FAM117B: variants seen among roughly 807,000 people sequenced by gnomAD.
FAM117B encodes protein FAM117B.
A neutral mutation model predicts 52.8 loss-of-function variants in FAM117B; 22 were observed. The ratio of observed to expected loss-of-function variants is 0.42; its 90% CI spans 0.30 to 0.59. The LOEUF (loss-of-function observed/expected upper bound fraction) is 0.59, where lower values mean the gene tolerates loss of function less well. Among genes scored for constraint, FAM117B ranks in the 20% least tolerant of loss-of-function variants. The pLI is 0.22. For synonymous variants in FAM117B, 309 were observed against 324.1 expected, an observed-to-expected ratio of 0.95 and a Z score of 0.50; for missense variants, 678 against 802.6, an observed-to-expected ratio of 0.84 and a Z score of 1.88.
chr2:202,691,932 A>G (rs545177622), intron 1 of FAM117B, among the ~76,000 whole-genome samples: 22 of 152,338 alleles, frequency 1.4e-4, no homozygotes, highest in African/African-American at 5.3e-4. Flanking sequence ...AGCATTTATA[A>G]CAATTACGTA....
intron 4 of FAM117B, among the ~76,000 whole-genome samples, chr2:202,728,065 G>A (rs1438053110): frequency 1.3e-5 from 2 of 152,106 alleles, no homozygotes; most frequent in African/African-American, 4.8e-5. Context: ...CTATAGCCTC[G>A]ACTTCCTGGG....
At chr2:202,648,842 A>G (rs1689911362) in intron 1 of FAM117B, among the ~76,000 whole-genome samples, 1 of 151,466 alleles carries the variant, frequency 6.6e-6, no homozygotes, top group African/African-American at 2.4e-5. Flanking sequence ...GCTCACTGCA[A>G]CCTCTGACTC....
At position 202,748,867 on chromosome 2, in the gene FAM117B, C is replaced by T. The variant is rs550555919; in HGVS notation, c.961-6671C>T. Among the ~76,000 whole-genome samples the T allele has an allele frequency of 5.9e-5, 9 of 152,052 alleles. No homozygotes were observed. The East Asian group carries it at 1.4e-3, about 23-fold the overall frequency. On this transcript the variant is annotated intron_variant, in intron 4 of 7. Transcript: ENST00000392238. ...CTCACATGTTTATCGTAGCCACTCTCGGTAGCCATTGTATGGAATCAACCT... is the reference window on the plus strand; with the variant it reads ...CTCACATGTTTATCGTAGCCACTCTTGGTAGCCATTGTATGGAATCAACCT...
intron 4 of FAM117B, among the ~76,000 whole-genome samples, chr2:202,741,825 G>A (rs144053532): frequency 1.1e-3 from 175 of 152,230 alleles, no homozygotes; most frequent in Middle Eastern, 3.4e-3. Flanking sequence ...GAGCCACCGC[G>A]CCTGGCCAGT....
intron 2 of FAM117B, among the ~76,000 whole-genome samples, chr2:202,719,269 T>C (rs1691112085): frequency 6.6e-6 from 1 of 152,240 alleles, no homozygotes; most frequent in South Asian, 2.1e-4. Context: ...TTTATGCTTA[T>C]TTTTATTTGT....
chr2:202,660,608 C>G (rs1690114568), intron 1 of FAM117B, among the ~76,000 whole-genome samples: 1 of 152,162 alleles, frequency 6.6e-6, no homozygotes, highest in Non-Finnish European at 1.5e-5. Context: ...TTTTTCAGCT[C>G]CCTGTTCTCC....
chr2:202,735,549 C>T (rs1375371256), intron 4 of FAM117B, among the ~76,000 whole-genome samples: 1 of 152,054 alleles, frequency 6.6e-6, no homozygotes, highest in Non-Finnish European at 1.5e-5. Context: ...TAAATACTGC[C>T]AGGTTTCTTA....
At chr2:202,755,434 A>G (rs1691786507) in intron 4 of FAM117B, 104 bp from the exon 5 acceptor site, 1 of 1,420,728 alleles carries the variant, frequency 7.0e-7, no homozygotes, top group African/African-American at 1.4e-5. Flanking sequence ...AGGCCTGTAA[A>G]CTTTGATTTA....
At chr2:202,646,385 C>G (rs1305914049) in intron 1 of FAM117B, among the ~76,000 whole-genome samples, 1 of 152,220 alleles carries the variant, frequency 6.6e-6, no homozygotes, top group African/African-American at 2.4e-5. Context: ...GGCTGCTTGT[C>G]TGGAGCATGT....
intron 1 of FAM117B, among the ~76,000 whole-genome samples, chr2:202,658,256 A>G (rs907940050): frequency 6.6e-6 from 1 of 152,052 alleles, no homozygotes; most frequent in Non-Finnish European, 1.5e-5. Context: ...TTGTTTTAGA[A>G]CAGGTCTGCT....
rs528315149 is a variant in FAM117B at position 202,671,751 on chromosome 2, C to T, written c.602-24130C>T. Among the ~76,000 whole-genome samples the T allele has an allele frequency of 1.7e-3, 252 of 152,264 alleles. 1 individual carries two copies. Among genetic ancestry groups the T allele is most frequent in the African/African-American group, 5.7e-3 (236 of 41,552 alleles). On this transcript the variant is annotated intron_variant, in intron 1 of 7. Coordinates refer to ENST00000392238, the MANE Select transcript of FAM117B (RefSeq NM_173511.4). ...GTGTAAGTACCTACCCTAACCATGCCGCTCCCACGCTGGTTCACTTTATTT... is the reference window on the plus strand; with the variant it reads ...GTGTAAGTACCTACCCTAACCATGCTGCTCCCACGCTGGTTCACTTTATTT...
intron 1 of FAM117B, among the ~76,000 whole-genome samples, chr2:202,664,777 T>C (rs1389553081): frequency 6.6e-6 from 1 of 152,154 alleles, no homozygotes; most frequent in Non-Finnish European, 1.5e-5. Flanking sequence ...TTGGCCTCGC[T>C]TATAAGAAGT....
At chr2:202,734,435 G>C (rs1018677136) in intron 4 of FAM117B, among the ~76,000 whole-genome samples, 7 of 152,094 alleles carry the variant, frequency 4.6e-5, no homozygotes, top group Non-Finnish European at 7.4e-5. Flanking sequence ...TTATATTCTA[G>C]TAAAGCTTTT....
intron 1 of FAM117B, among the ~76,000 whole-genome samples, chr2:202,640,688 C>A (rs1344227945): frequency 6.6e-6 from 1 of 151,760 alleles, no homozygotes; most frequent in Non-Finnish European, 1.5e-5. Flanking sequence ...CGGCTCACTG[C>A]AACCTCTGCC....
At chr2:202,691,753 G>A (rs1323520951) in intron 1 of FAM117B, among the ~76,000 whole-genome samples, 4 of 151,542 alleles carry the variant, frequency 2.6e-5, no homozygotes, top group African/African-American at 4.8e-5. Flanking sequence ...CGACTATCCC[G>A]AAAGGGATTT....
chr2:202,758,823 C>G (rs1691840757), intron 6 of FAM117B, among the ~76,000 whole-genome samples: 1 of 152,150 alleles, frequency 6.6e-6, no homozygotes, highest in South Asian at 2.1e-4. Flanking sequence ...CTACCTGGAG[C>G]AAAGATTGTA....
chr2:202,641,548 A>G (rs573195801), intron 1 of FAM117B, among the ~76,000 whole-genome samples: 3 of 152,314 alleles, frequency 2.0e-5, no homozygotes, highest in Admixed American at 6.5e-5. Flanking sequence ...AGGGGATACT[A>G]ATGATACTTA....
intron 2 of FAM117B, among the ~76,000 whole-genome samples, chr2:202,700,480 A>T (rs994881997): frequency 2.0e-5 from 3 of 152,220 alleles, no homozygotes. Flanking sequence ...AATTCTCTTC[A>T]GTTCTTATGA....
intron 1 of FAM117B, among the ~76,000 whole-genome samples, chr2:202,673,960 T>A (rs1690340050): frequency 1.3e-5 from 2 of 152,132 alleles, no homozygotes; most frequent in Middle Eastern, 3.2e-3. Flanking sequence ...CGCATAGCAA[T>A]CTAGTGAGGC....
Sources: gnomAD v4.1 joint callset for allele counts (sites outside exome capture counted in the v4.1 genomes callset) on GRCh38, gnomAD v4.1.1 for gene constraint, MANE v1.5 for transcripts, NCBI Gene and HGNC (gene_info 2026-07-23, HGNC 2026-07-21) for gene names.